Variants in ZFAT observed in about 807,000 individuals in gnomAD.
The protein encoded by ZFAT is zinc finger and AT-hook domain containing.
A neutral mutation model predicts 117.7 loss-of-function variants in ZFAT; 64 were observed. The ratio of observed to expected loss-of-function variants is 0.54; its 90% CI spans 0.44 to 0.67. The LOEUF (loss-of-function observed/expected upper bound fraction) is 0.67, where lower values mean the gene tolerates loss of function less well. ZFAT is among the 30% of genes least tolerant of loss of function. The pLI is 0.00. For synonymous variants in ZFAT, 679 were observed against 615.0 expected (o/e 1.10, Z -1.54); for missense variants, 1,433 against 1,584.5 (o/e 0.90, Z 1.62).
chr8:134,738,250 C>T, the ZFAT span, among the ~76,000 whole-genome samples: 1 of 152,150 alleles, frequency 6.6e-6, no homozygotes, highest in African/African-American at 2.4e-5. Context: ...AGCCTCCTCT[C>T]TCAATATCAC....
At chr8:134,705,097 A>T (rs1834112559) in intron 1 of ZFAT, among the ~76,000 whole-genome samples, 1 of 151,972 alleles carries the variant, frequency 6.6e-6, no homozygotes, top group Non-Finnish European at 1.5e-5. Context: ...TTCACAACAT[A>T]CACACACACA....
At chr8:134,611,683 T>A (rs1007686309) in intron 3 of ZFAT, among the ~76,000 whole-genome samples, 2 of 152,122 alleles carry the variant, frequency 1.3e-5, no homozygotes, top group Non-Finnish European at 2.9e-5. Flanking sequence ...TTACATGAAA[T>A]CTTCTGATTT....
At position 134,509,679 on chromosome 8, in the gene ZFAT, G is replaced by A. The variant is rs760147288; in HGVS notation, c.3432C>T (p.Asp1144=). The change falls in exon 15 of 16, where the codon GAC becomes GAT. Residue 1144 remains aspartate (D), a synonymous_variant. Coordinates refer to ENST00000377838, the MANE Select transcript of ZFAT (RefSeq NM_020863.4). ...QIIELGAETH[D]ATALASVVAM... is the part of the protein sequence containing the mutation. Reference sequence around the variant, plus strand: ...CAACCACCGAGGCAAGGGCAGTGGCGTCATGGGTCTCGGCGCCCAGCTCAA... The same window carrying A: ...CAACCACCGAGGCAAGGGCAGTGGCATCATGGGTCTCGGCGCCCAGCTCAA... 1.4e-5 allele frequency: 23 copies of A among 1,613,026 alleles called. No individual in the cohort carries two copies. The highest frequency in any genetic ancestry group is 1.1e-4 in the African/African-American group (8 of 74,782).
chr8:134,631,442 C>A (rs1829882285), intron 3 of ZFAT, among the ~76,000 whole-genome samples: 1 of 152,166 alleles, frequency 6.6e-6, no homozygotes, highest in Non-Finnish European at 1.5e-5. Flanking sequence ...GAGACACGGG[C>A]CCCAACCAGC....
chr8:134,769,740 C>T, the ZFAT span, among the ~76,000 whole-genome samples: 4 of 152,296 alleles, frequency 2.6e-5, no homozygotes, highest in Admixed American at 6.5e-5. Flanking sequence ...AGCCACGCCT[C>T]CCCCCATCCC....
the ZFAT span, among the ~76,000 whole-genome samples, chr8:134,782,541 CA>C: frequency 1.3e-5 from 2 of 152,094 alleles, no homozygotes; most frequent in Non-Finnish European, 2.9e-5. Flanking sequence ...ATTTGTTTTA[CA>C]AGGTCTGTTT....
At chr8:134,798,024 A>G in the ZFAT span, 7 of 152,024 alleles carry the variant, frequency 4.6e-5, no homozygotes, top group East Asian at 1.3e-3. Flanking sequence ...GGAAATGAAC[A>G]TAACTAAAAG....
intron 2 of ZFAT, among the ~76,000 whole-genome samples, chr8:134,643,041 C>T (rs1461376213): frequency 1.3e-5 from 2 of 152,216 alleles, no homozygotes; most frequent in Admixed American, 1.3e-4. Flanking sequence ...CGTGGAAATG[C>T]CACGTAAATA....
At chr8:134,718,713 G>T in the ZFAT span, among the ~76,000 whole-genome samples, 2 of 152,150 alleles carry the variant, frequency 1.3e-5, no homozygotes, top group African/African-American at 4.8e-5. Context: ...AGGATAAGGG[G>T]TAGAGGGAGG....
chr8:134,635,089 C>T (rs540374375), intron 3 of ZFAT, among the ~76,000 whole-genome samples: 1 of 152,318 alleles, frequency 6.6e-6, no homozygotes, highest in African/African-American at 2.4e-5. Flanking sequence ...CGCTCACCAA[C>T]CACTCACCTG....
At chr8:134,693,011 T>C (rs1833654971) in intron 1 of ZFAT, among the ~76,000 whole-genome samples, 1 of 152,224 alleles carries the variant, frequency 6.6e-6, no homozygotes, top group African/African-American at 2.4e-5. Context: ...AACTCAATGA[T>C]TTTTAAGAGG....
intron 12 of ZFAT, among the ~76,000 whole-genome samples, chr8:134,527,546 C>A (rs1445760771): frequency 6.6e-6 from 1 of 152,200 alleles, no homozygotes; most frequent in African/African-American, 2.4e-5. Flanking sequence ...CAGTGTCTGT[C>A]CTAGGCCCAG....
chr8:134,693,901 G>A (rs1459514300), intron 1 of ZFAT, among the ~76,000 whole-genome samples: 3 of 152,206 alleles, frequency 2.0e-5, no homozygotes, highest in African/African-American at 7.2e-5. Context: ...CACCAGCAAT[G>A]GGACAAATCA....
intron 4 of ZFAT, 25 bp downstream of exon 4, chr8:134,610,445 T>G (rs2130969246): frequency 6.2e-7 from 1 of 1,603,950 alleles, no homozygotes; most frequent in Non-Finnish European, 8.5e-7. Flanking sequence ...GTCTTGCCTT[T>G]TCCTTTCCCG....
chr8:134,766,437 G>A, the ZFAT span: 1 of 152,074 alleles, frequency 6.6e-6, no homozygotes, highest in Non-Finnish European at 1.5e-5. Context: ...ACCTATTGTC[G>A]AGGTTCAACC....
Position 134,588,404 on chromosome 8 carries a change from A to G in ZFAT, c.2564-9T>C. ...GGTGCTCATGGAGACCTCTAGAAGA[A>G]AAGCAGGATGTCAAAAGGAGTCAGA... is the stretch of plus-strand genomic sequence containing the variant. On this transcript the variant is annotated splice_polypyrimidine_tract_variant and intron_variant, in intron 8 of 15. Coordinates refer to ENST00000377838, the MANE Select transcript of ZFAT (RefSeq NM_020863.4). 1 of 1,568,364 alleles carries G rather than the reference A, an allele frequency of 6.4e-7. No individual in the cohort carries two copies. The highest frequency in any genetic ancestry group is 1.2e-5 in the South Asian group (1 of 84,056).
chr8:134,723,292 G>A, the ZFAT span: 1 of 152,276 alleles, frequency 6.6e-6, no homozygotes, highest in African/African-American at 2.4e-5. Context: ...CTCCACCTCA[G>A]CTCCTTGGCA....
At chr8:134,486,737 A>T (rs1817681359) in intron 15 of ZFAT, among the ~76,000 whole-genome samples, 1 of 152,204 alleles carries the variant, frequency 6.6e-6, no homozygotes, top group Admixed American at 6.5e-5. Flanking sequence ...CACTGTCAAG[A>T]TCATCACCAC....
At chr8:134,762,915 C>G in the ZFAT span, among the ~76,000 whole-genome samples, 1 of 152,200 alleles carries the variant, frequency 6.6e-6, no homozygotes, top group Non-Finnish European at 1.5e-5. Flanking sequence ...TTACCCATTG[C>G]TCAGGTCAAC....
Sources: gnomAD v4.1 joint callset for allele counts (sites outside exome capture counted in the v4.1 genomes callset) on GRCh38, gnomAD v4.1.1 for gene constraint, MANE v1.5 for transcripts, NCBI Gene and HGNC (gene_info 2026-07-23, HGNC 2026-07-21) for gene names.